The following CDH12 variants were observed in gnomAD, a reference collection of about 807,000 sequenced individuals.
CDH12 encodes cadherin 12, also known as cadherin-12.
In CDH12, 41 loss-of-function variants were observed where a neutral mutation model predicts 74.1. The observed-to-expected ratio is 0.55, with a 90% confidence interval of 0.43 to 0.72. CDH12 has a LOEUF of 0.72. Ranked by LOEUF, CDH12 falls within the 30% of genes least tolerant of loss-of-function variation. The pLI is 0.00. For missense variants in CDH12, 945 were observed against 977.2 expected, an observed-to-expected ratio of 0.97 and a Z score of 0.44; for synonymous variants, 399 against 355.0, an observed-to-expected ratio of 1.12 and a Z score of -1.39.
intron 1 of CDH12, among the ~76,000 whole-genome samples, chr5:22,806,389 G>A (rs548247988): frequency 2.3e-4 from 29 of 128,814 alleles, no homozygotes; most frequent in African/African-American, 8.3e-4. Context: ...GTCTCGCTCT[G>A]TGGCCCAGGC....
In CDH12 at chr5:21,760,649, G is replaced by T; in HGVS notation, c.1542C>A (p.Asp514Glu). ...GQIIQIVSAA[D>E]RDLSPAGQQF... ...GTTGCCCAGCAGGTGAAAGATCTCG[G>T]TCTGCAGCACTGACTATCTGAATTA... The change falls in exon 13 of 15, where the codon GAC (aspartate) becomes GAA (glutamate). Residue 514 changes from aspartate to glutamate, a missense_variant. Coordinates refer to ENST00000382254, the MANE Select transcript of CDH12 (RefSeq NM_004061.5). 6.2e-7 allele frequency: 1 copy of T among 1,608,032 alleles called. No individual in the cohort carries two copies. Among genetic ancestry groups the T allele is most frequent in the Non-Finnish European group, 8.5e-7 (1 of 1,175,436 alleles).
intron 2 of CDH12, among the ~76,000 whole-genome samples, chr5:22,492,730 A>G (rs923971409): frequency 2.6e-5 from 4 of 152,072 alleles, no homozygotes; most frequent in Non-Finnish European, 4.4e-5. Flanking sequence ...TTTGCAGAAT[A>G]TTGCTCACTC....
intron 2 of CDH12, among the ~76,000 whole-genome samples, chr5:22,456,358 G>T (rs779312095): frequency 1.8e-4 from 28 of 151,862 alleles, no homozygotes; most frequent in Non-Finnish European, 3.8e-4. Context: ...GTGTCAGTGT[G>T]TATTGACTCC....
At chr5:22,744,971 C>T (rs1745218423) in intron 1 of CDH12, among the ~76,000 whole-genome samples, 2 of 151,590 alleles carry the variant, frequency 1.3e-5, no homozygotes, top group East Asian at 1.9e-4. Context: ...TTAAAAAGAA[C>T]CTGACATATA....
At chr5:21,880,944 C>T (rs1376348125) in intron 6 of CDH12, among the ~76,000 whole-genome samples, 1 of 151,828 alleles carries the variant, frequency 6.6e-6, no homozygotes, top group Non-Finnish European at 1.5e-5. Flanking sequence ...TAGGAAACTT[C>T]ACCTGTGTTT....
intron 1 of CDH12, among the ~76,000 whole-genome samples, chr5:22,740,221 G>A (rs894676473): frequency 5.9e-5 from 9 of 151,990 alleles, no homozygotes; most frequent in Non-Finnish European, 1.3e-4. Flanking sequence ...AGAAGCTCCT[G>A]ATTCCTTAGT....
At chr5:22,436,446 A>T (rs2963704) in intron 2 of CDH12, among the ~76,000 whole-genome samples, 72,389 of 149,630 alleles carry the variant, frequency 0.48, 17,943 homozygotes, top group Admixed American at 0.65. Flanking sequence ...TAATAAAAAA[A>T]ATATATATAT....
intron 3 of CDH12, among the ~76,000 whole-genome samples, chr5:22,262,489 C>T (rs927658725): frequency 4.0e-5 from 6 of 151,606 alleles, no homozygotes; most frequent in Non-Finnish European, 7.4e-5. Flanking sequence ...TGTATATGTG[C>T]CACATTTTCT....
At chr5:22,709,625 G>A (rs1743194425) in intron 1 of CDH12, among the ~76,000 whole-genome samples, 1 of 152,078 alleles carries the variant, frequency 6.6e-6, no homozygotes. Flanking sequence ...AATCAACCAA[G>A]TTCAAATAAT....
chr5:22,754,189 C>T (rs1234605543), intron 1 of CDH12, among the ~76,000 whole-genome samples: 7 of 152,168 alleles, frequency 4.6e-5, no homozygotes, highest in Non-Finnish European at 2.9e-5. Context: ...GTAAAAAATA[C>T]CAGCAAGCAA....
chr5:22,651,763 A>T (rs1421919576), intron 1 of CDH12, among the ~76,000 whole-genome samples: 1 of 151,952 alleles, frequency 6.6e-6, no homozygotes, highest in Non-Finnish European at 1.5e-5. Context: ...ATGCACAAAG[A>T]TGCCCAAATC....
intron 4 of CDH12, among the ~76,000 whole-genome samples, chr5:22,162,440 A>G (rs1246540013): frequency 3.3e-5 from 5 of 152,052 alleles, no homozygotes; most frequent in Non-Finnish European, 4.4e-5. Context: ...GTTACATTAA[A>G]TTTGCACTTT....
intron 3 of CDH12, among the ~76,000 whole-genome samples, chr5:22,215,319 C>A (rs1411291901): frequency 6.6e-6 from 1 of 152,016 alleles, no homozygotes; most frequent in Non-Finnish European, 1.5e-5. Context: ...AGAATGGGAA[C>A]ATTTTCTAGA....
intron 5 of CDH12, among the ~76,000 whole-genome samples, chr5:22,024,796 G>A (rs764514532): frequency 8.5e-5 from 13 of 152,048 alleles, no homozygotes; most frequent in Admixed American, 2.6e-4. Flanking sequence ...TTACAGCTGT[G>A]AGCCACCATG....
chr5:21,801,374 T>C lies in CDH12; in HGVS notation c.1256+793A>G, dbSNP rs554802446. On this transcript the variant is annotated intron_variant, in intron 10 of 14. Transcript: ENST00000382254. ...GGGACAGAAGATTCAGGAACAAATC[T>C]CATACTTGTCTTTTAATTGGTTTCT... 1.3e-3 allele frequency among the ~76,000 whole-genome samples: 203 copies of C among 152,312 alleles called. 1 individual carries two copies. The highest frequency in any genetic ancestry group is 4.6e-3 in the African/African-American group (192 of 41,570).
intron 4 of CDH12, among the ~76,000 whole-genome samples, chr5:22,119,491 T>C (rs1745377962): frequency 6.6e-6 from 1 of 152,046 alleles, no homozygotes; most frequent in Non-Finnish European, 1.5e-5. Flanking sequence ...GGTTTCACCA[T>C]GTTGGCCAGG....
At chr5:22,450,596 C>T (rs1485599572) in intron 2 of CDH12, among the ~76,000 whole-genome samples, 2 of 151,998 alleles carry the variant, frequency 1.3e-5, no homozygotes, top group East Asian at 3.9e-4. Context: ...ACTTGGACTA[C>T]TACAATAATT....
intron 3 of CDH12, among the ~76,000 whole-genome samples, chr5:22,339,140 G>T (rs1005054414): frequency 3.3e-5 from 5 of 152,106 alleles, no homozygotes; most frequent in Non-Finnish European, 5.9e-5. Context: ...ACAAATGTTT[G>T]TTTTTTTAAG....
In CDH12 at chr5:21,975,129, C is replaced by A; in HGVS notation, c.488G>T (p.Gly163Val). 1 of 1,597,196 alleles carries A rather than the reference C, an allele frequency of 6.3e-7. No homozygotes were observed. Among genetic ancestry groups the A allele is most frequent in the Non-Finnish European group, 8.5e-7 (1 of 1,179,572 alleles). Reference sequence around the variant, plus strand: ...TTCTGGAACAGTAGCAACATAAGGTCCATCCAAAAACTTTGGCTCATTATC... The same window carrying A: ...TTCTGGAACAGTAGCAACATAAGGTACATCCAAAAACTTTGGCTCATTATC... The part of the protein sequence containing the change: ...INDNEPKFLD[G>V]PYVATVPEMS... Residue 163 changes from glycine (G) to valine (V), a missense_variant, in exon 6 of 15, where the codon GGA becomes GTA. By Grantham distance (109) the Gly-to-Val change is moderately radical (BLOSUM62 -3). Transcript: ENST00000382254.
Sources: allele counts gnomAD v4.1 joint callset (sites outside exome capture counted in the v4.1 genomes callset), GRCh38; gene constraint gnomAD v4.1.1; transcripts MANE v1.5; gene names NCBI Gene and HGNC (gene_info 2026-07-23, HGNC 2026-07-21).